The following MELTF variants were observed in gnomAD, a reference collection of about 807,000 sequenced individuals.
MELTF encodes the protein antigen p97 (melanoma associated) identified by monoclonal antibodies 133.2 and 96.5.
A neutral mutation model predicts 83.7 loss-of-function variants in MELTF; 67 were observed. The ratio of observed to expected loss-of-function variants is 0.80; its 90% CI spans 0.66 to 0.98. The LOEUF (loss-of-function observed/expected upper bound fraction) is 0.98. MELTF is among the 50% of genes least tolerant of loss of function. The pLI, the probability that MELTF is intolerant of heterozygous loss-of-function variation, is 0.00. For missense variants in MELTF, 1,002 were observed against 1,035.6 expected (o/e 0.97, Z 0.44); for synonymous variants, 462 against 447.6 (o/e 1.03, Z -0.41).
At chr3:197,018,572 G>A (rs138002290) in intron 6 of MELTF, among the ~76,000 whole-genome samples, 7 of 152,178 alleles carry the variant, frequency 4.6e-5, no homozygotes, top group East Asian at 1.9e-4. Context: ...TCAGCCTCCC[G>A]AGTAGCTCAG....
intron 14 of MELTF, among the ~76,000 whole-genome samples, chr3:197,005,817 G>A (rs199543998): frequency 2.6e-3 from 229 of 87,380 alleles, no homozygotes; most frequent in African/African-American, 0.012. Context: ...TCCTTAAGAG[G>A]GGCCAGAGGA....
At chr3:197,027,428 C>T (rs992105007) in intron 2 of MELTF, among the ~76,000 whole-genome samples, 4 of 152,254 alleles carry the variant, frequency 2.6e-5, no homozygotes, top group Non-Finnish European at 4.4e-5. Context: ...CTGGAGAGCC[C>T]CATGGCAAGA....
At chr3:197,027,381 C>T (rs1263410793) in intron 2 of MELTF, among the ~76,000 whole-genome samples, 1 of 152,264 alleles carries the variant, frequency 6.6e-6, no homozygotes, top group African/African-American at 2.4e-5. Flanking sequence ...AGTCCAGCCC[C>T]TGCTCCTCCT....
chr3:197,003,492 C>A lies in MELTF; in HGVS notation c.2138-41G>T. The stretch of plus-strand genomic sequence containing the variant: ...GCGGGTCAGGCCCCGAAGCCCGGGC[C>A]GCGGTGGCCGCCTCAGGCGCCCGCT... On this transcript the variant is annotated intron_variant, in intron 15 of 15. Transcript: ENST00000296350. The surrounding 1 kb of genome is among the most constrained non-coding windows in gnomAD (Gnocchi z 6.2). 1 of 751,244 alleles carries A rather than the reference C, an allele frequency of 1.3e-6. No homozygotes were observed. Among genetic ancestry groups the A allele is most frequent in the Non-Finnish European group, 1.6e-6 (1 of 620,454 alleles). The allele number at this position is 751,244 out of a possible 1,614,324, so 46.5% of individuals were successfully genotyped here. A position where few individuals can be genotyped will look rare whatever the true frequency, so the allele number is the denominator to read the frequency against.
At chr3:197,025,288 AG>A (rs1719808048) in intron 3 of MELTF, among the ~76,000 whole-genome samples, 2 of 152,242 alleles carry the variant, frequency 1.3e-5, no homozygotes, top group Admixed American at 1.3e-4. Flanking sequence ...ACATAAAGCC[AG>A]TGTTACTTCT....
intron 6 of MELTF, 80 bp from the exon 7 acceptor site, chr3:197,017,370 C>G: frequency 7.6e-7 from 1 of 1,315,244 alleles, no homozygotes; most frequent in East Asian, 2.6e-5. Context: ...GAGAGGGAAT[C>G]TGAGGGGTGG....
intron 9 of MELTF, among the ~76,000 whole-genome samples, chr3:197,013,182 G>T (rs941896931): frequency 1.3e-5 from 2 of 152,216 alleles, no homozygotes; most frequent in Non-Finnish European, 2.9e-5. Flanking sequence ...ATAGACCAAT[G>T]ATCCAGAATA....
At chr3:197,009,023 C>T (rs1180068571) in intron 11 of MELTF, 58 bp from the exon 12 acceptor site, 1 of 1,595,634 alleles carries the variant, frequency 6.3e-7, no homozygotes, top group Non-Finnish European at 8.5e-7. Flanking sequence ...TGGGAGGGAG[C>T]TGGGCGGGCC....
intron 1 of MELTF, chr3:197,028,797 G>T: frequency 6.5e-6 from 1 of 152,926 alleles, no homozygotes. Context: ...CTGTGCAGGA[G>T]GGAGGGAAAC....
chr3:197,020,414 T>C (rs1411009828), intron 6 of MELTF, among the ~76,000 whole-genome samples: 2 of 152,128 alleles, frequency 1.3e-5, no homozygotes, highest in African/African-American at 4.8e-5. Flanking sequence ...CCTCCTTGTC[T>C]TAGGAGATAC....
At chr3:197,016,760 C>T (rs181731997) in intron 7 of MELTF, among the ~76,000 whole-genome samples, 5 of 152,238 alleles carry the variant, frequency 3.3e-5, no homozygotes, top group East Asian at 1.9e-4. Context: ...AAACCTTATT[C>T]GCCACATGTA....
At chr3:197,017,978 CA>C (rs1427899903) in intron 6 of MELTF, among the ~76,000 whole-genome samples, 4 of 152,200 alleles carry the variant, frequency 2.6e-5, no homozygotes, top group African/African-American at 7.2e-5. Flanking sequence ...GAGCAGGGGG[CA>C]GGGGGCAGGG....
In MELTF at chr3:197,015,393, G is replaced by T. The variant is rs1228856592; in HGVS notation, c.1205C>A (p.Ser402Tyr). The T allele has an allele frequency of 3.8e-6, 6 of 1,576,440 alleles. No homozygotes were observed. The highest frequency in any genetic ancestry group is 2.7e-5 in the African/African-American group (2 of 74,000). The change falls in exon 9 of 16, where the codon TCC becomes TAC. Residue 402 changes from serine (S) to tyrosine (Y), a missense_variant. Physicochemically the swap from Ser to Tyr is moderately radical, Grantham distance 144. Coordinates refer to ENST00000296350, the MANE Select transcript of MELTF (RefSeq NM_005929.6). ...KPEIQCVSAK[S>Y]PQHCMERIQA... ...GATCCGCTCCATGCAGTGTTGGGGG[G>T]ACTTGGCTGACACGCACTGGATCTC...
rs754078598 is a variant in MELTF, at chr3:197,006,717, C to G, written c.1770G>C (p.Trp590Cys). 1 of 1,541,540 alleles carries G rather than the reference C, an allele frequency of 6.5e-7. No homozygotes were observed. Among genetic ancestry groups the G allele is most frequent in the Non-Finnish European group, 8.7e-7 (1 of 1,146,078 alleles). Residue 590 changes from tryptophan (W) to cysteine (C), a missense_variant, in exon 14 of 16, where the codon TGG becomes TGC. By Grantham distance (215) the Trp-to-Cys change is radical. Coordinates refer to ENST00000296350, the MANE Select transcript of MELTF (RefSeq NM_005929.6). This position sits in a 1 kb window ranked among gnomAD's most constrained non-coding sequence, Gnocchi z 5.4. ...AGTCCTCTGACCTGAGCTCAGCAGCCCAGGGCTCGGAATTGTGGCCTGAGG... is the reference window on the plus strand; with the variant it reads ...AGTCCTCTGACCTGAGCTCAGCAGCGCAGGGCTCGGAATTGTGGCCTGAGG... ...DNTNGHNSEP[W>C]AAELRSEDYE...
At chr3:197,026,465 G>T in intron 3 of MELTF, 195 bp downstream of exon 3, 2 of 591,796 alleles carry the variant, frequency 3.4e-6, no homozygotes, top group Non-Finnish European at 3.0e-6. Context: ...AGCAGACTTG[G>T]GGCAGCTCTC....
chr3:197,022,976 CGTA>C lies in MELTF; in HGVS notation c.622_624del (p.Tyr208del). On this transcript the variant is annotated inframe_deletion, in exon 5 of 16. Transcript: ENST00000296350. The surrounding 1 kb of genome is among the most constrained non-coding windows in gnomAD (Gnocchi z 5.1). The stretch of plus-strand genomic sequence containing the variant: ...GCTCACCGGAAGGCCCCGCTGTAGT[CGTA>C]GTATCTCTCCAGGGGGCTCTTGTCA... 6.2e-7 allele frequency: 1 copy of C among 1,611,290 alleles called. No individual in the cohort carries two copies. The highest frequency in any genetic ancestry group is 8.5e-7 in the Non-Finnish European group (1 of 1,179,234).
chr3:197,025,643 G>A (rs903705292), intron 3 of MELTF: 1 of 152,538 alleles, frequency 6.6e-6, no homozygotes, highest in Non-Finnish European at 1.5e-5. Flanking sequence ...GTGCTCAGTA[G>A]AGGTGTCGAG....
At position 197,003,832 on chromosome 3, in the gene MELTF, T is replaced by A. The variant is rs1718872740; in HGVS notation, c.2137+69A>T. The A allele has an allele frequency of 9.3e-6, 14 of 1,500,666 alleles. No individual in the cohort carries two copies. The highest frequency in any genetic ancestry group is 1.2e-5 in the Non-Finnish European group (13 of 1,102,796). 93.0% of individuals were successfully genotyped at this position (1,500,666 alleles called of 1,614,324 possible). A position where few individuals can be genotyped will look rare whatever the true frequency, so the allele number is the denominator to read the frequency against. On this transcript the variant is annotated intron_variant, in intron 15 of 15. Transcript: ENST00000296350. This position sits in a 1 kb window ranked among gnomAD's most constrained non-coding sequence, Gnocchi z 6.2. ...TCCCCGGACCCGCAGCGCCCCCCGC[T>A]CCCTCAGGGTTCTGGGGTGAAGGGG...
rs147150725 is a variant in MELTF, at chr3:197,017,055, G to A, written c.900+48C>T. Reference sequence around the variant, plus strand: ...ACCCTGCTGAGCGACCACAAGGCCCGGCACCATCTAGGAAGCTGTGCAGGT... The same window carrying A: ...ACCCTGCTGAGCGACCACAAGGCCCAGCACCATCTAGGAAGCTGTGCAGGT... On this transcript the variant is annotated intron_variant, in intron 7 of 15. Coordinates refer to ENST00000296350, the MANE Select transcript of MELTF (RefSeq NM_005929.6). 8.6e-3 allele frequency: 13,544 copies of A among 1,582,660 alleles called. 89 individuals are homozygous for A. Among genetic ancestry groups the A allele is most frequent in the Middle Eastern group, 0.011 (63 of 5,918 alleles).
Sources: gnomAD v4.1 joint callset for allele counts (sites outside exome capture counted in the v4.1 genomes callset) on GRCh38, gnomAD v4.1.1 for gene constraint, Gnocchi (gnomAD v3.1) non-coding constraint, MANE v1.5 for transcripts, NCBI Gene and HGNC (gene_info 2026-07-23, HGNC 2026-07-21) for gene names.